Variants in UBXN7 observed in about 807,000 individuals in gnomAD.
The protein encoded by UBXN7 is UBX domain protein 7.
Under a neutral mutation model 58.0 loss-of-function variants are expected in UBXN7, and 9 were observed. That is an observed-to-expected ratio of 0.16 (90% confidence interval 0.09 to 0.27). UBXN7 has a LOEUF of 0.27. UBXN7 is among the 10% of genes least tolerant of loss of function. The pLI, the probability that UBXN7 is intolerant of heterozygous loss-of-function variation, is 1.00. For synonymous variants in UBXN7, 208 were observed against 205.0 expected (o/e 1.01, Z -0.12); for missense variants, 328 against 599.6 (o/e 0.55, Z 4.73).
intron 8 of UBXN7, among the ~76,000 whole-genome samples, chr3:196,365,543 T>C (rs540472761): frequency 1.3e-5 from 2 of 152,182 alleles, no homozygotes; most frequent in Admixed American, 1.3e-4. Context: ...GATGGGACTA[T>C]AGGCACATGC....
chr3:196,405,327 G>C lies in UBXN7; in HGVS notation c.221+1919C>G, dbSNP rs78323680. Among the ~76,000 whole-genome samples the C allele has an allele frequency of 0.02, 2,991 of 151,470 alleles. 509 individuals carry two copies. In the East Asian group the frequency reaches 0.44, roughly 23 times the overall value. On this transcript the variant is annotated intron_variant, in intron 2 of 10. Coordinates refer to ENST00000296328, the MANE Select transcript of UBXN7 (RefSeq NM_015562.2). ...TCTACTAAAAATAAGAAAATTAGCC[G>C]GGCGTGGTGGAGTGTACCAGCAGTC... is the stretch of plus-strand genomic sequence containing the variant.
rs1045591101 is a variant in UBXN7 at position 196,350,446 on chromosome 3, T to G, written c.*6239A>C. 3 of 152,208 alleles carry G rather than the reference T, an allele frequency of 2.0e-5. No individual in the cohort carries two copies. Among genetic ancestry groups the G allele is most frequent in the African/African-American group, 7.2e-5 (3 of 41,446 alleles). 9.4% of individuals were successfully genotyped at this position (152,208 alleles called of 1,614,324 possible). ...CCTTCAATTTTATAAAAAATGAAGA[T>G]TGTTACATATTAAGACTTTGAAATG... On this transcript the variant is annotated 3_prime_UTR_variant, in exon 11 of 11. Coordinates refer to ENST00000296328, the MANE Select transcript of UBXN7 (RefSeq NM_015562.2).
At chr3:196,386,518 T>C (rs560726640) in intron 5 of UBXN7, among the ~76,000 whole-genome samples, 1 of 151,566 alleles carries the variant, frequency 6.6e-6, no homozygotes, top group South Asian at 2.1e-4. Context: ...TTCAGCAAAG[T>C]CTTAGGATAC....
intron 3 of UBXN7, among the ~76,000 whole-genome samples, chr3:196,399,053 C>T (rs765414083): frequency 6.6e-6 from 1 of 152,184 alleles, no homozygotes; most frequent in East Asian, 1.9e-4. Context: ...AACTGATAGT[C>T]TGTCAGCGAT....
At chr3:196,420,544 A>T (rs555140144) in intron 1 of UBXN7, among the ~76,000 whole-genome samples, 1 of 151,562 alleles carries the variant, frequency 6.6e-6, no homozygotes, top group Non-Finnish European at 1.5e-5. Flanking sequence ...AAAAAAAAAA[A>T]ATTAAATTAA....
intron 1 of UBXN7, among the ~76,000 whole-genome samples, chr3:196,430,175 T>C (rs1015446840): frequency 6.6e-6 from 1 of 151,798 alleles, no homozygotes; most frequent in African/African-American, 2.4e-5. Context: ...GCCAACATGA[T>C]GAAACCCCGC....
chr3:196,420,345 C>A (rs1730641214), intron 1 of UBXN7, among the ~76,000 whole-genome samples: 1 of 151,834 alleles, frequency 6.6e-6, no homozygotes, highest in Non-Finnish European at 1.5e-5. Flanking sequence ...CCAGCTAACA[C>A]CGCGAAACCC....
chr3:196,408,986 G>A (rs147107547), intron 1 of UBXN7, among the ~76,000 whole-genome samples: 20 of 151,932 alleles, frequency 1.3e-4, no homozygotes, highest in African/African-American at 4.1e-4. Context: ...TCGTTGTCTC[G>A]CCCCCTCCAT....
At chr3:196,359,287 TAAAG>T (rs1728439477) in intron 10 of UBXN7, among the ~76,000 whole-genome samples, 1 of 152,294 alleles carries the variant, frequency 6.6e-6, no homozygotes, top group African/African-American at 2.4e-5. Flanking sequence ...GCAAACTTAA[TAAAG>T]AAGTATGTTC....
rs1425069735 is a variant in UBXN7 at position 196,391,664 on chromosome 3, T to A, written c.468+149A>T. On this transcript the variant is annotated intron_variant, in intron 5 of 10. Transcript: ENST00000296328. ...TAGGAGGATCCCTTGAGCCCAAGAG[T>A]TCAAGGCTGCAGTGAGCTATGATTG... 4 of 522,740 alleles carry A rather than the reference T, an allele frequency of 7.7e-6. No homozygotes were observed. The East Asian group carries it at 1.4e-4, about 18-fold the overall frequency. 32.4% of individuals were successfully genotyped at this position (522,740 alleles called of 1,614,324 possible). A position where few individuals can be genotyped will look rare whatever the true frequency, so the allele number is the denominator to read the frequency against.
At chr3:196,365,854 A>C (rs1728649916) in intron 8 of UBXN7, among the ~76,000 whole-genome samples, 1 of 152,146 alleles carries the variant, frequency 6.6e-6, no homozygotes, top group Admixed American at 6.6e-5. Flanking sequence ...CCAAAAAAAA[A>C]CTCTAGGCCC....
chr3:196,371,422 C>T, intron 6 of UBXN7, among the ~76,000 whole-genome samples: 1 of 152,084 alleles, frequency 6.6e-6, no homozygotes, highest in East Asian at 1.9e-4. Context: ...AATGTGGCTA[C>T]TGGAAAAATT....
At chr3:196,431,016 T>C (rs1267315026) in intron 1 of UBXN7, among the ~76,000 whole-genome samples, 3 of 152,206 alleles carry the variant, frequency 2.0e-5, no homozygotes, top group African/African-American at 7.2e-5. Flanking sequence ...ACAAGCTAGA[T>C]AACAATGCGT....
intron 1 of UBXN7, among the ~76,000 whole-genome samples, chr3:196,429,087 G>C (rs1390630781): frequency 1.3e-5 from 2 of 152,028 alleles, no homozygotes; most frequent in Non-Finnish European, 2.9e-5. Context: ...CAGCACTTTG[G>C]GAGGCCGAGG....
chr3:196,421,391 T>C (rs1730678089), intron 1 of UBXN7, among the ~76,000 whole-genome samples: 1 of 152,168 alleles, frequency 6.6e-6, no homozygotes, highest in African/African-American at 2.4e-5. Flanking sequence ...CAAATTCCAG[T>C]GGAAGCATTC....
At chr3:196,376,443 G>A (rs1729023060) in intron 5 of UBXN7, among the ~76,000 whole-genome samples, 1 of 150,722 alleles carries the variant, frequency 6.6e-6, no homozygotes, top group Non-Finnish European at 1.5e-5. Flanking sequence ...CTACTCGGGA[G>A]GGTGAGACAG....
intron 6 of UBXN7, among the ~76,000 whole-genome samples, chr3:196,371,185 ACTGT>A (rs1228838048): frequency 6.6e-6 from 1 of 152,190 alleles, no homozygotes. Context: ...CTATACCTGC[ACTGT>A]CTAATACAGC....
intron 2 of UBXN7, among the ~76,000 whole-genome samples, chr3:196,404,109 A>C (rs1427883675): frequency 6.6e-6 from 1 of 151,608 alleles, no homozygotes; most frequent in Non-Finnish European, 1.5e-5. Context: ...AGAAAAAAAA[A>C]AATTACTTTG....
At chr3:196,360,836 C>T (rs1323659011) in intron 10 of UBXN7, among the ~76,000 whole-genome samples, 1 of 152,004 alleles carries the variant, frequency 6.6e-6, no homozygotes. Context: ...CAAGACCTGG[C>T]AACACAGCAA....
Sources: gnomAD v4.1 joint callset for allele counts (sites outside exome capture counted in the v4.1 genomes callset) on GRCh38, gnomAD v4.1.1 for gene constraint, MANE v1.5 for transcripts, NCBI Gene and HGNC (gene_info 2026-07-23, HGNC 2026-07-21) for gene names.